DOP1A: variants seen among roughly 807,000 people sequenced by gnomAD.
DOP1A encodes DOP1 leucine zipper like protein A, also known as protein DOP1A.
In DOP1A, 90 loss-of-function variants were observed where a neutral mutation model predicts 267.6. The observed-to-expected ratio is 0.34, with a 90% CI of 0.28 to 0.40. DOP1A has a LOEUF of 0.40. DOP1A is among the 10% of genes least tolerant of loss of function. The probability of loss-of-function intolerance (pLI) is 1.00; values close to 1 mark genes in which losing one functional copy is unlikely to be tolerated. For synonymous variants in DOP1A, 932 were observed against 999.1 expected (o/e 0.93, Z 1.27); for missense variants, 2,437 against 2,900.4 (o/e 0.84, Z 3.67).
downstream of DOP1A, chr6:83,169,318 A>G (rs367672402): frequency 6.2e-7 from 1 of 1,613,554 alleles, no homozygotes; most frequent in African/African-American, 1.3e-5. Context: ...GGTGATCTGC[A>G]CTTTCCTGCA....
intron 4 of DOP1A, among the ~76,000 whole-genome samples, chr6:83,102,200 A>G (rs1281949754): frequency 6.6e-6 from 1 of 152,220 alleles, no homozygotes; most frequent in African/African-American, 2.4e-5. Flanking sequence ...AGCTCAATAA[A>G]TGGTATCACC....
At chr6:83,097,995 G>A (rs1771824466) in intron 3 of DOP1A, among the ~76,000 whole-genome samples, 1 of 151,688 alleles carries the variant, frequency 6.6e-6, no homozygotes, top group East Asian at 1.9e-4. Context: ...TGGGCTCAAG[G>A]GATCCTCCCA....
intron 11 of DOP1A, 138 bp from the exon 12 acceptor site, chr6:83,122,725 A>AT: frequency 1.8e-6 from 1 of 569,954 alleles, no homozygotes. Flanking sequence ...GTAGATAAAA[A>AT]TTATTTGTTG....
chr6:83,110,249 C>T lies in DOP1A; in HGVS notation c.616C>T (p.His206Tyr), dbSNP rs1408171864. 6.2e-7 allele frequency: 1 copy of T among 1,613,850 alleles called. No homozygotes were observed. The highest frequency in any genetic ancestry group is 8.5e-7 in the Non-Finnish European group (1 of 1,179,978). Residue 206 changes from histidine to tyrosine, a missense_variant, in exon 6 of 39, where the codon CAT (histidine) becomes TAT (tyrosine). His to Tyr is a moderately conservative substitution (Grantham distance 83). This residue lies in a region of DOP1A where 251 missense variants were observed against 359.1 expected (regional missense o/e 0.70). Transcript: ENST00000349129. ...RLPGITYVLAHLNRKLSMEDQ... is the reference protein window; with the variant it reads ...RLPGITYVLAYLNRKLSMEDQ... ...ACCTGGAATCACGTATGTTCTTGCC[C>T]ATTTAAACAGGAAGCTTTCTATGGA...
intron 17 of DOP1A, among the ~76,000 whole-genome samples, chr6:83,131,318 T>G (rs1032448537): frequency 1.1e-4 from 16 of 152,170 alleles, no homozygotes; most frequent in African/African-American, 3.1e-4. Flanking sequence ...TCCTGCTAGA[T>G]TAGAGTTGGA....
chr6:83,104,897 C>T (rs1487363933), intron 4 of DOP1A, among the ~76,000 whole-genome samples: 4 of 151,806 alleles, frequency 2.6e-5, no homozygotes, highest in African/African-American at 4.8e-5. Flanking sequence ...TTTTTAAAAA[C>T]CAACTTTTAT....
Position 83,080,242 on chromosome 6 carries a change from A to G in DOP1A, c.-147+12463A>G, listed in dbSNP as rs963192071. 6.1e-4 allele frequency among the ~76,000 whole-genome samples: 93 copies of G among 152,214 alleles called. 2 individuals are homozygous for G. Among genetic ancestry groups the G allele is most frequent in the Admixed American group, 6.1e-3 (93 of 15,286 alleles). Reference sequence around the variant, plus strand: ...AGATATGTTTGAAAAAAGCAGATATATCCTAAAAGCAAAATTTAGTTGTTT... The same window carrying G: ...AGATATGTTTGAAAAAAGCAGATATGTCCTAAAAGCAAAATTTAGTTGTTT... On this transcript the variant is annotated intron_variant, in intron 1 of 38. Transcript: ENST00000349129.
intron 28 of DOP1A, 104 bp from the exon 29 acceptor site, chr6:83,151,778 AC>A: frequency 7.0e-7 from 1 of 1,437,658 alleles, no homozygotes; most frequent in South Asian, 1.3e-5. Flanking sequence ...ATGGGAATCA[AC>A]AAGTCTATTG....
Position 83,145,510 on chromosome 6 carries a change from G to T in DOP1A, c.5542-14G>T. The T allele has an allele frequency of 6.4e-7, 1 of 1,570,316 alleles. No individual in the cohort carries two copies. Among genetic ancestry groups the T allele is most frequent in the South Asian group, 1.2e-5 (1 of 86,072 alleles). On this transcript the variant is annotated splice_polypyrimidine_tract_variant and intron_variant, in intron 24 of 38. Transcript: ENST00000349129. ...ATATACATACATACATACATACAAT[G>T]ATTTATTACCTAGGTCATTCCTGCA...
At chr6:83,125,827 A>G in intron 15 of DOP1A, 94 bp downstream of exon 15, 9 of 1,099,986 alleles carry the variant, frequency 8.2e-6, no homozygotes, top group Non-Finnish European at 1.2e-5. Context: ...AAGCATTTAA[A>G]TAATAGTGAG....
intron 15 of DOP1A, among the ~76,000 whole-genome samples, chr6:83,128,036 G>C (rs546758447): frequency 6.6e-6 from 1 of 152,056 alleles, no homozygotes; most frequent in Non-Finnish European, 1.5e-5. Context: ...GAGGGGTGAC[G>C]AAGGTACCAA....
At chr6:83,135,129 C>T (rs977123369) in intron 19 of DOP1A, among the ~76,000 whole-genome samples, 1 of 152,088 alleles carries the variant, frequency 6.6e-6, no homozygotes, top group Admixed American at 6.6e-5. Context: ...CCCAACACCA[C>T]ACAAAATATT....
At chr6:83,130,560 T>C (rs1177217355) in intron 17 of DOP1A, among the ~76,000 whole-genome samples, 163 bp downstream of exon 17, 6 of 152,176 alleles carry the variant, frequency 3.9e-5, no homozygotes, top group Non-Finnish European at 7.4e-5. Flanking sequence ...CTGATATACA[T>C]ACTGCTCTCC....
intron 37 of DOP1A, 121 bp from the exon 38 acceptor site, chr6:83,162,669 C>A: frequency 8.9e-7 from 1 of 1,124,598 alleles, no homozygotes; most frequent in Non-Finnish European, 1.2e-6. Context: ...ACGAGTGGCA[C>A]ATCTGGCATT....
At chr6:83,160,093 T>C (rs1583183248) in intron 37 of DOP1A, 133 bp downstream of exon 37, 4 of 868,640 alleles carry the variant, frequency 4.6e-6, no homozygotes, top group Non-Finnish European at 7.0e-6. Flanking sequence ...TGTAATTCTT[T>C]TGGCACAGCA....
rs1779057038 is a variant in DOP1A at position 83,137,638 on chromosome 6, AC to A, written c.3597del (p.Ser1200ProfsTer10). On this transcript the variant is annotated frameshift_variant, in exon 21 of 39. Transcript: ENST00000349129. LOFTEE classifies it high-confidence loss of function. The stretch of plus-strand genomic sequence containing the variant: ...GAAGAGACGATTAAAATTGAAGATG[AC>A]TCCATTCAACAGAGTCAGAATGCTT... ...PDEETIKIED[D>X]SIQQSQNALL... is the part of the protein sequence containing the mutation. 6.2e-7 allele frequency: 1 copy of A among 1,613,586 alleles called. No homozygotes were observed. The highest frequency in any genetic ancestry group is 8.5e-7 in the Non-Finnish European group (1 of 1,179,836).
rs766619444 is a variant in DOP1A at position 83,135,623 on chromosome 6, C to T, written c.2875C>T (p.Leu959=). The T allele has an allele frequency of 6.2e-7, 1 of 1,611,764 alleles. No individual in the cohort carries two copies. The highest frequency in any genetic ancestry group is 1.7e-5 in the Admixed American group (1 of 59,854). The change falls in exon 20 of 39, where the codon CTG becomes TTG. Residue 959 remains leucine (L), a synonymous_variant. Transcript: ENST00000349129. ...AATTATTTGTGTTTATTTTAGGTCA[C>T]TGTTCATCATGTTAGATAGCCTTAA... ...SSFVRSFDRS[L]FIMLDSLNSL...
chr6:83,077,132 T>C (rs989871559), intron 1 of DOP1A, among the ~76,000 whole-genome samples: 13 of 152,258 alleles, frequency 8.5e-5, no homozygotes, highest in Admixed American at 3.3e-4. Flanking sequence ...GTTTGCAAGA[T>C]GAAAAGTTCT....
chr6:83,098,644 A>T (rs1273002895), intron 3 of DOP1A, among the ~76,000 whole-genome samples: 2 of 152,210 alleles, frequency 1.3e-5, no homozygotes, highest in African/African-American at 2.4e-5. Context: ...AGAGATGCAT[A>T]GTGTGAGGTA....
Sources: gnomAD v4.1 joint callset for allele counts (sites outside exome capture counted in the v4.1 genomes callset) on GRCh38, gnomAD v4.1.1 for gene constraint, gnomAD v4.1.1 regional missense constraint, MANE v1.5 for transcripts, NCBI Gene and HGNC (gene_info 2026-07-23, HGNC 2026-07-21) for gene names.